The following PDPN variants were observed in gnomAD, a reference collection of about 807,000 sequenced individuals.
The protein encoded by PDPN is PA2.26 antigen.
In PDPN, 12 loss-of-function variants were observed where a neutral mutation model predicts 23.2. The observed-to-expected ratio is 0.52, with a 90% CI of 0.33 to 0.84. The LOEUF (loss-of-function observed/expected upper bound fraction) is 0.84. PDPN is among the 40% of genes least tolerant of loss of function. PDPN has a pLI of 0.02. For missense variants in PDPN, 199 were observed against 212.2 expected, an observed-to-expected ratio of 0.94 and a Z score of 0.39; for synonymous variants, 77 against 76.7, an observed-to-expected ratio of 1.00 and a Z score of -0.02.
chr1:13,608,364 A>G (rs551596040), intron 2 of PDPN, among the ~76,000 whole-genome samples: 9 of 152,308 alleles, frequency 5.9e-5, no homozygotes, highest in African/African-American at 1.9e-4. Context: ...GAGGGAATCT[A>G]TGATTTCTTT....
At chr1:13,615,410 C>G (rs1641046625) in intron 5 of PDPN, among the ~76,000 whole-genome samples, 1 of 151,782 alleles carries the variant, frequency 6.6e-6, no homozygotes, top group African/African-American at 2.4e-5. Context: ...CTCCGCCTCT[C>G]AAGTAGCTGG....
chr1:13,596,376 G>A (rs760230243), intron 1 of PDPN, among the ~76,000 whole-genome samples: 4 of 152,152 alleles, frequency 2.6e-5, no homozygotes, highest in Non-Finnish European at 5.9e-5. Context: ...ATGTCTGTGG[G>A]TACAGAGTGG....
At chr1:13,593,350 T>A (rs1640402696) in intron 1 of PDPN, among the ~76,000 whole-genome samples, 1 of 152,134 alleles carries the variant, frequency 6.6e-6, no homozygotes, top group African/African-American at 2.4e-5. Flanking sequence ...GATGAGTACC[T>A]GGGAAGACAG....
intron 1 of PDPN, among the ~76,000 whole-genome samples, chr1:13,599,916 CG>C (rs1640599291): frequency 6.6e-6 from 1 of 152,108 alleles, no homozygotes; most frequent in Admixed American, 6.6e-5. Context: ...CACAGTTAAG[CG>C]GGGAGAGGGC....
At chr1:13,608,644 A>G (rs963616686) in intron 2 of PDPN, among the ~76,000 whole-genome samples, 2 of 152,102 alleles carry the variant, frequency 1.3e-5, no homozygotes, top group African/African-American at 2.4e-5. Context: ...TCGCAGAGAA[A>G]ACGAACACTT....
At chr1:13,613,024 T>C (rs1640975183) in intron 3 of PDPN, among the ~76,000 whole-genome samples, 1 of 152,084 alleles carries the variant, frequency 6.6e-6, no homozygotes, top group Non-Finnish European at 1.5e-5. Context: ...TTGCATAAAA[T>C]TATTCAAAAG....
chr1:13,610,781 C>T (rs766456054), intron 3 of PDPN, among the ~76,000 whole-genome samples: 1 of 152,160 alleles, frequency 6.6e-6, no homozygotes, highest in Non-Finnish European at 1.5e-5. Flanking sequence ...GATTGCATGG[C>T]GGACTCCAAG....
At chr1:13,613,870 CTTT>C (rs34784418) in intron 4 of PDPN, 145 bp downstream of exon 4, 9,330 of 216,330 alleles carry the variant, frequency 0.043, no homozygotes, top group South Asian at 0.06. Flanking sequence ...AGATTTCAAG[CTTT>C]TTTTTTTTTT....
chr1:13,587,303 G>A (rs938143186), intron 1 of PDPN, among the ~76,000 whole-genome samples: 3 of 152,122 alleles, frequency 2.0e-5, no homozygotes, highest in Non-Finnish European at 4.4e-5. Flanking sequence ...AATTTGAACT[G>A]TATGCACTTT....
chr1:13,602,877 G>A (rs1019630912), intron 1 of PDPN, among the ~76,000 whole-genome samples: 1 of 151,590 alleles, frequency 6.6e-6, no homozygotes, highest in Non-Finnish European at 1.5e-5. Context: ...CAACTCTAAA[G>A]TATTTTTAAA....
At chr1:13,598,961 A>AGG (rs887439112) in intron 1 of PDPN, among the ~76,000 whole-genome samples, 14 of 148,732 alleles carry the variant, frequency 9.4e-5, no homozygotes, top group Non-Finnish European at 1.6e-4. Flanking sequence ...GCCGTGGAAG[A>AGG]GGGGAGGGGT....
At chr1:13,608,054 G>A (rs937732931) in intron 2 of PDPN, among the ~76,000 whole-genome samples, 1 of 152,080 alleles carries the variant, frequency 6.6e-6, no homozygotes, top group Non-Finnish European at 1.5e-5. Flanking sequence ...GCAGTGAGCC[G>A]AGATCGCACC....
At chr1:13,610,294 T>C in intron 2 of PDPN, 93 bp from the exon 3 acceptor site, 3 of 1,054,582 alleles carry the variant, frequency 2.8e-6, no homozygotes, top group Non-Finnish European at 4.2e-6. Context: ...TTCCATATTT[T>C]TATGCCACCT....
rs1469818888 is a variant in PDPN, at chr1:13,584,027, G to A, written c.-7G>A. Reference sequence around the variant, plus strand: ...GCCCCCAGGAGAGCAACAACTCAACGGGAACGATGTGGAAGGTGTCAGCTC... The same window carrying A: ...GCCCCCAGGAGAGCAACAACTCAACAGGAACGATGTGGAAGGTGTCAGCTC... On this transcript the variant is annotated 5_prime_UTR_variant, in exon 1 of 6. Coordinates refer to ENST00000621990, the MANE Select transcript of PDPN (RefSeq NM_006474.5). 1.2e-6 allele frequency: 2 copies of A among 1,613,506 alleles called. No individual in the cohort carries two copies. Among genetic ancestry groups the A allele is most frequent in the East Asian group, 2.2e-5 (1 of 44,874 alleles).
At chr1:13,607,405 C>A in intron 2 of PDPN, 99 bp downstream of exon 2, 1 of 860,712 alleles carries the variant, frequency 1.2e-6, no homozygotes, top group Non-Finnish European at 1.6e-6. Context: ...ATATATCTAT[C>A]TATAAAATCA....
At chr1:13,593,400 G>C (rs1640405985) in intron 1 of PDPN, among the ~76,000 whole-genome samples, 1 of 152,166 alleles carries the variant, frequency 6.6e-6, no homozygotes, top group South Asian at 2.1e-4. Context: ...TGGAGATGAA[G>C]TTTGCTGCTT....
chr1:13,609,772 T>A (rs772791664), intron 2 of PDPN, among the ~76,000 whole-genome samples: 28 of 152,182 alleles, frequency 1.8e-4, no homozygotes, highest in Non-Finnish European at 3.2e-4. Flanking sequence ...TTCATCCTTT[T>A]TAAAGCTGAA....
chr1:13,615,737 CTG>C (rs1017397988), intron 5 of PDPN, among the ~76,000 whole-genome samples, 166 bp from the exon 6 acceptor site: 15 of 152,096 alleles, frequency 9.9e-5, no homozygotes, highest in African/African-American at 3.4e-4. Flanking sequence ...TTTGACCCTG[CTG>C]TGTGAGGACG....
chr1:13,604,440 CCTGA>C (rs5772543), intron 1 of PDPN, among the ~76,000 whole-genome samples: 42,682 of 151,840 alleles, frequency 0.28, 6,148 homozygotes, highest in Admixed American at 0.35. Flanking sequence ...GCATCTTAAT[CCTGA>C]CTATCATTCA....
Sources: allele counts gnomAD v4.1 joint callset (sites outside exome capture counted in the v4.1 genomes callset), GRCh38; gene constraint gnomAD v4.1.1; transcripts MANE v1.5; gene names NCBI Gene and HGNC (gene_info 2026-07-23, HGNC 2026-07-21).